The following CERS6 variants were observed in gnomAD, a reference collection of about 807,000 sequenced individuals.
CERS6 encodes ceramide synthase 6.
Under a neutral mutation model 56.8 loss-of-function variants are expected in CERS6, and 26 were observed. That is an observed-to-expected ratio of 0.46 (90% confidence interval 0.34 to 0.63). The LOEUF (loss-of-function observed/expected upper bound fraction) is 0.63. CERS6 is among the 30% of genes least tolerant of loss of function. The pLI, the probability that CERS6 is intolerant of heterozygous loss-of-function variation, is 0.01. For synonymous variants in CERS6, 164 were observed against 173.3 expected, an observed-to-expected ratio of 0.95 and a Z score of 0.42; for missense variants, 415 against 467.5, an observed-to-expected ratio of 0.89 and a Z score of 1.04.
chr2:168,765,581 C>A lies in CERS6; in HGVS notation c.846-11C>A, dbSNP rs1270557616. The A allele has an allele frequency of 5.0e-6, 8 of 1,610,326 alleles. No individual in the cohort carries two copies. Among genetic ancestry groups the A allele is most frequent in the East Asian group, 2.2e-5 (1 of 44,788 alleles). ...TGCCACATTCACTAATCACCTCCTT[C>A]TTTTCCTTAGGGTGTTAAATACCAC... On this transcript the variant is annotated splice_polypyrimidine_tract_variant and intron_variant, in intron 8 of 9. Coordinates refer to ENST00000305747, the MANE Select transcript of CERS6 (RefSeq NM_203463.3).
At chr2:168,599,627 C>G (rs913425518) in intron 3 of CERS6, among the ~76,000 whole-genome samples, 2 of 152,158 alleles carry the variant, frequency 1.3e-5, no homozygotes, top group African/African-American at 4.8e-5. Context: ...GGAAAGAGAT[C>G]ATTTGTTGAC....
At position 168,456,478 on chromosome 2, in the gene CERS6, C is replaced by G. The variant is rs780908134; in HGVS notation, c.30C>G (p.Asn10Lys). 3.1e-6 allele frequency: 5 copies of G among 1,613,896 alleles called. No homozygotes were observed. The highest frequency in any genetic ancestry group is 1.1e-5 in the South Asian group (1 of 91,086). The change falls in exon 1 of 10, where the codon AAC (asparagine) becomes AAG (lysine). Residue 10 changes from asparagine to lysine, a missense_variant. Asn to Lys is a moderately conservative substitution (Grantham distance 94). Coordinates refer to ENST00000305747, the MANE Select transcript of CERS6 (RefSeq NM_203463.3). This position sits in a 1 kb window ranked among gnomAD's most constrained non-coding sequence, Gnocchi z 4.1. ...CAGGGATCTTAGCCTGGTTCTGGAA[C>G]GAGAGGTTTTGGCTCCCGCACAATG... Reference protein sequence around the residue: MAGILAWFWNERFWLPHNVT... With the variant: MAGILAWFWKERFWLPHNVT...
intron 8 of CERS6, among the ~76,000 whole-genome samples, chr2:168,762,755 A>G (rs1044773779): frequency 3.9e-5 from 6 of 152,240 alleles, no homozygotes; most frequent in African/African-American, 1.4e-4. Flanking sequence ...CTCTTTAAAG[A>G]CAACTACTAT....
At chr2:168,485,277 A>G (rs868402711) in intron 1 of CERS6, among the ~76,000 whole-genome samples, 2 of 151,840 alleles carry the variant, frequency 1.3e-5, no homozygotes, top group Admixed American at 6.6e-5. Context: ...CTACACTCAC[A>G]TTTTCTTTTT....
At chr2:168,683,240 T>G (rs547037070) in intron 4 of CERS6, among the ~76,000 whole-genome samples, 1 of 152,280 alleles carries the variant, frequency 6.6e-6, no homozygotes, top group African/African-American at 2.4e-5. Context: ...TGCAGAGTAT[T>G]GGTTTTCCTG....
chr2:168,549,539 GCA>G (rs1695528190), intron 2 of CERS6, among the ~76,000 whole-genome samples: 1 of 152,190 alleles, frequency 6.6e-6, no homozygotes, highest in South Asian at 2.1e-4. Flanking sequence ...GGAGGCTGAG[GCA>G]GGAGAATGGC....
chr2:168,728,459 G>A (rs1304337000), intron 8 of CERS6, among the ~76,000 whole-genome samples: 8 of 144,570 alleles, frequency 5.5e-5, no homozygotes, highest in Non-Finnish European at 9.0e-5. Context: ...GCGCGATCTC[G>A]GCTCACTGCA....
In CERS6 at chr2:168,573,817, TG is replaced by T. The variant is rs539720588; in HGVS notation, c.407+12496del. On this transcript the variant is annotated intron_variant, in intron 3 of 9. Coordinates refer to ENST00000305747, the MANE Select transcript of CERS6 (RefSeq NM_203463.3). ...CCCAATAGTAGGAGTGGTTTTGGCTTGTATCAGGTCCCACTAAGTGATCTGA... is the reference window on the plus strand; with the variant it reads ...CCCAATAGTAGGAGTGGTTTTGGCTTTATCAGGTCCCACTAAGTGATCTGA... Among the ~76,000 whole-genome samples the T allele has an allele frequency of 1.7e-4, 26 of 152,228 alleles. No homozygotes were observed. The South Asian group carries it at 5.2e-3, about 30-fold the overall frequency.
intron 8 of CERS6, among the ~76,000 whole-genome samples, chr2:168,728,204 A>G (rs1021224016): frequency 6.6e-6 from 1 of 152,074 alleles, no homozygotes; most frequent in Non-Finnish European, 1.5e-5. Flanking sequence ...CAGAAAGCCT[A>G]AAGTATTTGC....
At chr2:168,680,979 G>A (rs769771385) in intron 4 of CERS6, among the ~76,000 whole-genome samples, 6 of 152,206 alleles carry the variant, frequency 3.9e-5, no homozygotes, top group Non-Finnish European at 8.8e-5. Flanking sequence ...GGTTACCCAG[G>A]AGATGCTAAG....
chr2:168,705,698 G>T (rs1351997578), intron 6 of CERS6, among the ~76,000 whole-genome samples: 2 of 152,166 alleles, frequency 1.3e-5, no homozygotes, highest in Non-Finnish European at 2.9e-5. Flanking sequence ...ATAGTAAATG[G>T]ATGATGGCTT....
intron 8 of CERS6, among the ~76,000 whole-genome samples, chr2:168,732,525 G>A (rs1683571731): frequency 6.6e-6 from 1 of 152,122 alleles, no homozygotes; most frequent in African/African-American, 2.4e-5. Flanking sequence ...TATTCTGAAT[G>A]CCAAAGTAAT....
At chr2:168,621,636 A>G (rs1029352842) in intron 3 of CERS6, among the ~76,000 whole-genome samples, 10 of 152,216 alleles carry the variant, frequency 6.6e-5, no homozygotes, top group African/African-American at 2.2e-4. Context: ...GCTGAATTCT[A>G]CCTTGCTGGG....
chr2:168,591,372 ATGAC>A (rs1211476494), intron 3 of CERS6, among the ~76,000 whole-genome samples: 2 of 152,362 alleles, frequency 1.3e-5, no homozygotes, highest in African/African-American at 2.4e-5. Flanking sequence ...GCTGCAGAAA[ATGAC>A]TGACAGAATG....
intron 3 of CERS6, among the ~76,000 whole-genome samples, chr2:168,577,012 A>G (rs1683291990): frequency 6.6e-6 from 1 of 152,202 alleles, no homozygotes; most frequent in African/African-American, 2.4e-5. Flanking sequence ...GGAGGTATCT[A>G]TTAGATATCT....
chr2:168,502,823 C>G (rs751299848), intron 1 of CERS6, among the ~76,000 whole-genome samples: 54 of 152,156 alleles, frequency 3.5e-4, no homozygotes, highest in Non-Finnish European at 6.8e-4. Context: ...GAGAGACCAC[C>G]ACATAGCCTG....
chr2:168,681,910 A>G (rs1686227200), intron 4 of CERS6, among the ~76,000 whole-genome samples: 2 of 152,182 alleles, frequency 1.3e-5, no homozygotes, highest in Admixed American at 1.3e-4. Context: ...TGCCTGGCTT[A>G]TTTCACTTAA....
At chr2:168,552,704 C>T (rs1025637853) in intron 2 of CERS6, among the ~76,000 whole-genome samples, 1 of 152,062 alleles carries the variant, frequency 6.6e-6, no homozygotes, top group Non-Finnish European at 1.5e-5. Context: ...CATAAAGCCA[C>T]GTGGAGGGTA....
intron 4 of CERS6, among the ~76,000 whole-genome samples, chr2:168,668,932 ATGTC>A (rs1182570361): frequency 6.6e-6 from 1 of 152,164 alleles, no homozygotes; most frequent in Admixed American, 6.5e-5. Context: ...TTGGGGGAAA[ATGTC>A]AGTGCATTAG....
Sources: gnomAD v4.1 joint callset for allele counts (sites outside exome capture counted in the v4.1 genomes callset) on GRCh38, gnomAD v4.1.1 for gene constraint, Gnocchi (gnomAD v3.1) non-coding constraint, MANE v1.5 for transcripts, NCBI Gene and HGNC (gene_info 2026-07-23, HGNC 2026-07-21) for gene names.